Variants in PAN3 observed in about 807,000 individuals in gnomAD.
PAN3 encodes the protein PAN2-PAN3 deadenylation complex subunit PAN3.
Under a neutral mutation model 96.2 loss-of-function variants are expected in PAN3, and 19 were observed. The observed-to-expected ratio is 0.20, with a 90% CI of 0.14 to 0.29. The LOEUF (loss-of-function observed/expected upper bound fraction) is 0.29, where lower values mean the gene tolerates loss of function less well. Among genes scored for constraint, PAN3 ranks in the 10% least tolerant of loss-of-function variants. The probability of loss-of-function intolerance (pLI) is 1.00; values close to 1 mark genes in which losing one functional copy is unlikely to be tolerated. For synonymous variants in PAN3, 433 were observed against 406.6 expected (o/e 1.06, Z -0.78); for missense variants, 882 against 1,108.1 (o/e 0.80, Z 2.90).
In PAN3 at chr13:28,141,894, G is replaced by A. The variant is rs1385027210; in HGVS notation, c.430+2807G>A. 3.9e-5 allele frequency among the ~76,000 whole-genome samples: 6 copies of A among 152,198 alleles called. No homozygotes were observed. The East Asian group carries it at 1.2e-3, about 29-fold the overall frequency. ...AAAAAATATTAGCAGTGGCTCAAAGGTGGGACATCTTAGGAAAATAACTGA... is the reference window on the plus strand; with the variant it reads ...AAAAAATATTAGCAGTGGCTCAAAGATGGGACATCTTAGGAAAATAACTGA... On this transcript the variant is annotated intron_variant, in intron 1 of 18. Coordinates refer to ENST00000380958, the MANE Select transcript of PAN3 (RefSeq NM_175854.8).
At chr13:28,184,883 G>C (rs551628587) in intron 4 of PAN3, among the ~76,000 whole-genome samples, 2 of 152,070 alleles carry the variant, frequency 1.3e-5, no homozygotes, top group Non-Finnish European at 2.9e-5. Flanking sequence ...AATCTCTTCT[G>C]TCACATGTTA....
intron 5 of PAN3, among the ~76,000 whole-genome samples, chr13:28,197,618 G>T (rs966730208): frequency 2.6e-5 from 4 of 151,876 alleles, no homozygotes; most frequent in African/African-American, 7.3e-5. Flanking sequence ...TGTCCCCCAG[G>T]CTGGAGTGCA....
intron 6 of PAN3, among the ~76,000 whole-genome samples, chr13:28,227,811 A>C (rs1029869432): frequency 7.2e-5 from 11 of 152,208 alleles, no homozygotes; most frequent in African/African-American, 2.7e-4. Context: ...TTCTGTGTAA[A>C]TAGAAAATCT....
intron 6 of PAN3, among the ~76,000 whole-genome samples, chr13:28,229,566 C>A (rs192501901): frequency 6.6e-6 from 1 of 152,276 alleles, no homozygotes; most frequent in East Asian, 1.9e-4. Flanking sequence ...GTTATTCTTT[C>A]CACTGGTCTT....
chr13:28,206,844 C>CT (rs1185530763), intron 5 of PAN3, among the ~76,000 whole-genome samples: 1 of 151,346 alleles, frequency 6.6e-6, no homozygotes, highest in African/African-American at 2.4e-5. Flanking sequence ...TAGTGCTCTT[C>CT]TGTAATCTCA....
At chr13:28,150,445 GAA>G (rs900577513) in intron 1 of PAN3, among the ~76,000 whole-genome samples, 4 of 152,004 alleles carry the variant, frequency 2.6e-5, no homozygotes, top group African/African-American at 9.7e-5. Context: ...CTAACATGGT[GAA>G]ACCCCGTCTC....
At chr13:28,202,658 T>TAC (rs140754799) in intron 5 of PAN3, among the ~76,000 whole-genome samples, 6,538 of 150,060 alleles carry the variant, frequency 0.044, 369 homozygotes, top group African/African-American at 0.13. Flanking sequence ...TATATATGTA[T>TAC]ACACACACAC....
intron 15 of PAN3, among the ~76,000 whole-genome samples, chr13:28,278,216 G>A (rs556000281): frequency 2.0e-5 from 3 of 152,340 alleles, no homozygotes; most frequent in South Asian, 2.1e-4. Context: ...GATGGAGGGT[G>A]GGATTGCCCA....
intron 1 of PAN3, among the ~76,000 whole-genome samples, chr13:28,159,993 A>C (rs1287677086): frequency 6.6e-6 from 1 of 151,736 alleles, no homozygotes; most frequent in Non-Finnish European, 1.5e-5. Context: ...GCTAGAGTGC[A>C]GTAGTGTGAT....
At chr13:28,281,212 TTA>T in intron 16 of PAN3, 101 bp from the exon 17 acceptor site, 1 of 796,004 alleles carries the variant, frequency 1.3e-6, no homozygotes, top group Non-Finnish European at 2.1e-6. Context: ...GATTTATTGT[TTA>T]AAGGTAATAT....
In PAN3 at chr13:28,139,093, T is replaced by G; in HGVS notation, c.430+6T>G. The G allele has an allele frequency of 1.6e-6, 2 of 1,262,064 alleles. No individual in the cohort carries two copies. The highest frequency in any genetic ancestry group is 2.8e-5 in the South Asian group (1 of 35,718). The allele number at this position is 1,262,064 out of a possible 1,614,324, so 78.2% of individuals were successfully genotyped here. A position where few individuals can be genotyped will look rare whatever the true frequency, so the allele number is the denominator to read the frequency against. On this transcript the variant is annotated splice_donor_region_variant and intron_variant, in intron 1 of 18. Coordinates refer to ENST00000380958, the MANE Select transcript of PAN3 (RefSeq NM_175854.8). ...CGATGGACCGCGGCTGGCAAGTGAG[T>G]GTTTTTCGGGCGGGGCGGGCCGCGG...
intron 5 of PAN3, among the ~76,000 whole-genome samples, chr13:28,201,780 C>T (rs887744408): frequency 1.3e-4 from 20 of 152,038 alleles, no homozygotes; most frequent in African/African-American, 4.6e-4. Context: ...TTTGCTTTTT[C>T]TTGTATGTCA....
chr13:28,163,542 A>G (rs931762210), intron 1 of PAN3, among the ~76,000 whole-genome samples: 10 of 152,204 alleles, frequency 6.6e-5, no homozygotes, highest in African/African-American at 2.4e-4. Flanking sequence ...CAGATGAAGA[A>G]ATGAAATTTA....
chr13:28,223,491 G>T (rs1429486359), intron 6 of PAN3, among the ~76,000 whole-genome samples: 1 of 151,408 alleles, frequency 6.6e-6, no homozygotes, highest in Non-Finnish European at 1.5e-5. Context: ...TTTTTCTCTG[G>T]CAACAGCTTT....
At chr13:28,197,137 T>C (rs748120409) in intron 4 of PAN3, 48 bp from the exon 5 acceptor site, 47 of 1,581,090 alleles carry the variant, frequency 3.0e-5, no homozygotes, top group Non-Finnish European at 3.8e-5. Flanking sequence ...TTTAGATTAG[T>C]GTGGGGGATG....
At chr13:28,149,336 A>T (rs754371818) in intron 1 of PAN3, among the ~76,000 whole-genome samples, 3 of 152,144 alleles carry the variant, frequency 2.0e-5, no homozygotes, top group Admixed American at 6.6e-5. Context: ...GCCCTCCAGC[A>T]AGACCCTGTC....
intron 5 of PAN3, among the ~76,000 whole-genome samples, chr13:28,212,701 G>T (rs959242274): frequency 6.6e-5 from 10 of 152,264 alleles, no homozygotes; most frequent in African/African-American, 2.4e-4. Context: ...TGTCTGAAAT[G>T]AATAATATGT....
chr13:28,245,368 T>C (rs1884075597), intron 6 of PAN3, among the ~76,000 whole-genome samples: 1 of 151,832 alleles, frequency 6.6e-6, no homozygotes, highest in African/African-American at 2.4e-5. Context: ...TTTTTGTTGC[T>C]GCTAGTAAAT....
At chr13:28,244,705 GT>G (rs1026307572) in intron 6 of PAN3, among the ~76,000 whole-genome samples, 5 of 150,174 alleles carry the variant, frequency 3.3e-5, no homozygotes, top group Non-Finnish European at 5.9e-5. Flanking sequence ...TCTTGTTTTT[GT>G]TTTTTTCTTT....
Sources: gnomAD v4.1 joint callset for allele counts (sites outside exome capture counted in the v4.1 genomes callset) on GRCh38, gnomAD v4.1.1 for gene constraint, MANE v1.5 for transcripts, NCBI Gene and HGNC (gene_info 2026-07-23, HGNC 2026-07-21) for gene names.